The following UNC5D variants were observed in gnomAD, a reference collection of about 807,000 sequenced individuals.
UNC5D encodes the protein unc-5 netrin receptor D.
A neutral mutation model predicts 105.4 loss-of-function variants in UNC5D; 39 were observed. The observed-to-expected ratio is 0.37, with a 90% CI of 0.29 to 0.48. The LOEUF is 0.48. Ranked by LOEUF, UNC5D falls within the 20% of genes least tolerant of loss-of-function variation. UNC5D has a pLI of 0.98. For synonymous variants in UNC5D, 452 were observed against 450.4 expected, an observed-to-expected ratio of 1.00 and a Z score of -0.04; for missense variants, 991 against 1,202.4, an observed-to-expected ratio of 0.82 and a Z score of 2.60.
chr8:35,497,905 G>C (rs979996229), intron 1 of UNC5D, among the ~76,000 whole-genome samples: 7 of 151,384 alleles, frequency 4.6e-5, no homozygotes, highest in Admixed American at 1.3e-4. Flanking sequence ...CCCCGTCTCT[G>C]CTAAAAATAC....
intron 1 of UNC5D, among the ~76,000 whole-genome samples, chr8:35,316,457 A>C (rs1279216147): frequency 6.6e-6 from 1 of 152,164 alleles, no homozygotes; most frequent in East Asian, 1.9e-4. Context: ...AAATGTATAG[A>C]TGGTATTTAT....
intron 3 of UNC5D, among the ~76,000 whole-genome samples, chr8:35,583,223 T>C (rs571230237): frequency 3.9e-5 from 6 of 152,262 alleles, no homozygotes; most frequent in Admixed American, 3.9e-4. Flanking sequence ...CTTGATGGCA[T>C]GTGCCTGTAG....
At chr8:35,463,409 A>G (rs1809043316) in intron 1 of UNC5D, among the ~76,000 whole-genome samples, 1 of 152,210 alleles carries the variant, frequency 6.6e-6, no homozygotes, top group East Asian at 1.9e-4. Flanking sequence ...TGTGAAAGGC[A>G]GTACCTGCCA....
chr8:35,351,360 A>G (rs891928947), intron 1 of UNC5D, among the ~76,000 whole-genome samples: 1 of 152,134 alleles, frequency 6.6e-6, no homozygotes, highest in Non-Finnish European at 1.5e-5. Flanking sequence ...TACATCCCTG[A>G]CAGTAGTATT....
At chr8:35,429,767 C>T (rs1028260654) in intron 1 of UNC5D, among the ~76,000 whole-genome samples, 10 of 152,046 alleles carry the variant, frequency 6.6e-5, no homozygotes, top group Non-Finnish European at 8.8e-5. Flanking sequence ...TCTTAGGATC[C>T]TTTGTGATTT....
At chr8:35,336,803 TCTTTA>T (rs1430771444) in intron 1 of UNC5D, among the ~76,000 whole-genome samples, 49 of 151,524 alleles carry the variant, frequency 3.2e-4, no homozygotes, top group Admixed American at 1.2e-3. Context: ...TTTTTTTTTT[TCTTTA>T]TTTTTAGTTT....
chr8:35,398,530 TAA>T (rs909600799), intron 1 of UNC5D, among the ~76,000 whole-genome samples: 3 of 145,146 alleles, frequency 2.1e-5, no homozygotes, highest in Admixed American at 6.9e-5. Flanking sequence ...AAGCAGACAT[TAA>T]AAAAAAAAAA....
chr8:35,463,343 G>C (rs745549040), intron 1 of UNC5D, among the ~76,000 whole-genome samples: 1 of 152,120 alleles, frequency 6.6e-6, no homozygotes, highest in East Asian at 1.9e-4. Context: ...ATGGAAATAC[G>C]ACAGTTTTAA....
At chr8:35,589,479 A>C (rs1480879184) in intron 3 of UNC5D, among the ~76,000 whole-genome samples, 1 of 151,798 alleles carries the variant, frequency 6.6e-6, no homozygotes, top group Non-Finnish European at 1.5e-5. Flanking sequence ...TTTAATAATA[A>C]CTGTACTGAG....
chr8:35,562,894 TG>T (rs1401317064), intron 2 of UNC5D, among the ~76,000 whole-genome samples: 1 of 152,120 alleles, frequency 6.6e-6, no homozygotes, highest in East Asian at 1.9e-4. Flanking sequence ...ACCAGTGTCC[TG>T]GAGAGTTTCT....
intron 7 of UNC5D, among the ~76,000 whole-genome samples, chr8:35,688,869 T>A (rs1826201049): frequency 6.6e-6 from 1 of 152,238 alleles, no homozygotes; most frequent in South Asian, 2.1e-4. Context: ...ATAAATTGTT[T>A]AAAGCAACTA....
intron 1 of UNC5D, among the ~76,000 whole-genome samples, chr8:35,284,747 G>T (rs186519206): frequency 8.0e-4 from 121 of 151,862 alleles, no homozygotes; most frequent in Middle Eastern, 3.4e-3. Flanking sequence ...TATTTTTAGT[G>T]GAGATGGGGT....
At chr8:35,498,084 C>CAAAAA (rs58175711) in intron 1 of UNC5D, among the ~76,000 whole-genome samples, 91 of 58,172 alleles carry the variant, frequency 1.6e-3, no homozygotes, top group Non-Finnish European at 3.2e-3. Context: ...CAAAACAAAA[C>CAAAAA]AAAAAAAAAA....
chr8:35,390,176 A>G (rs906527674), intron 1 of UNC5D, among the ~76,000 whole-genome samples: 2 of 151,534 alleles, frequency 1.3e-5, no homozygotes, highest in African/African-American at 4.8e-5. Flanking sequence ...ACCAGATCTC[A>G]TGAGACCTCA....
At chr8:35,249,269 C>A (rs1235982804) in intron 1 of UNC5D, among the ~76,000 whole-genome samples, 1 of 149,170 alleles carries the variant, frequency 6.7e-6, no homozygotes, top group Non-Finnish European at 1.5e-5. Flanking sequence ...CTTTTAAAAG[C>A]TTTGGTGGCC....
intron 1 of UNC5D, among the ~76,000 whole-genome samples, chr8:35,304,573 C>T (rs761162552): frequency 1.2e-4 from 18 of 151,820 alleles, no homozygotes; most frequent in African/African-American, 2.7e-4. Context: ...AGTGCACAAG[C>T]GTGTGTATGC....
chr8:35,761,543 A>G (rs562507668), intron 14 of UNC5D, among the ~76,000 whole-genome samples: 4 of 152,316 alleles, frequency 2.6e-5, no homozygotes, highest in African/African-American at 7.2e-5. Flanking sequence ...GCTGGATTAC[A>G]TGGAAGTTGT....
At chr8:35,745,920 T>C (rs1466187438) in intron 11 of UNC5D, among the ~76,000 whole-genome samples, 2 of 152,162 alleles carry the variant, frequency 1.3e-5, no homozygotes, top group African/African-American at 2.4e-5. Flanking sequence ...ACTGCCTTGT[T>C]GTGGATTATG....
chr8:35,278,832 C>T (rs181908556), intron 1 of UNC5D, among the ~76,000 whole-genome samples: 21 of 152,202 alleles, frequency 1.4e-4, no homozygotes, highest in Admixed American at 5.2e-4. Flanking sequence ...ACTTATTCAT[C>T]CTATATTCAT....
Sources: gnomAD v4.1 joint callset for allele counts (sites outside exome capture counted in the v4.1 genomes callset) on GRCh38, gnomAD v4.1.1 for gene constraint, MANE v1.5 for transcripts, NCBI Gene and HGNC (gene_info 2026-07-23, HGNC 2026-07-21) for gene names.